CNTNAP3: variants seen among roughly 807,000 people sequenced by gnomAD.
CNTNAP3 encodes the protein contactin associated protein family member 3, also known as contactin-associated protein-like 3.
A neutral mutation model predicts 92.1 loss-of-function variants in CNTNAP3; 36 were observed. The observed-to-expected ratio is 0.39, with a 90% confidence interval of 0.30 to 0.52. The LOEUF (loss-of-function observed/expected upper bound fraction) is 0.52, where lower values mean the gene tolerates loss of function less well. CNTNAP3 is among the 20% of genes least tolerant of loss of function. The probability of loss-of-function intolerance (pLI) is 0.76; values close to 1 mark genes in which losing one functional copy is unlikely to be tolerated. For synonymous variants in CNTNAP3, 232 were observed against 422.3 expected, an observed-to-expected ratio of 0.55 and a Z score of 5.53; for missense variants, 534 against 1,069.6, an observed-to-expected ratio of 0.50 and a Z score of 6.98.
intron 15 of CNTNAP3, among the ~76,000 whole-genome samples, chr9:39,104,805 G>A (rs534490658): frequency 7.9e-4 from 121 of 152,204 alleles, no homozygotes; most frequent in Non-Finnish European, 1.4e-3. Flanking sequence ...CCACAGAAGG[G>A]CTGCTGTGTT....
intron 14 of CNTNAP3, 114 bp downstream of exon 14, chr9:39,117,989 G>A (rs1229221633): frequency 2.5e-6 from 4 of 1,574,552 alleles, no homozygotes; most frequent in Non-Finnish European, 3.4e-6. Context: ...ATTTCAGCTT[G>A]CTTGAACATA....
chr9:39,103,125 G>GTACA (rs1283385101), intron 16 of CNTNAP3, among the ~76,000 whole-genome samples: 1 of 152,206 alleles, frequency 6.6e-6, no homozygotes, highest in Non-Finnish European at 1.5e-5. Context: ...TAAGCTTTGG[G>GTACA]TACATAAAAA....
chr9:39,078,735 C>G lies in CNTNAP3; in HGVS notation c.3628G>C (p.Gly1210Arg). The G allele has an allele frequency of 1.3e-6, 2 of 1,501,490 alleles. No individual in the cohort carries two copies. The highest frequency in any genetic ancestry group is 1.8e-6 in the Non-Finnish European group (2 of 1,133,642). The allele number at this position is 1,501,490 out of a possible 1,614,324, so 93.0% of individuals were successfully genotyped here. A position where few individuals can be genotyped will look rare whatever the true frequency, so the allele number is the denominator to read the frequency against. ...GGAGCCAGTTCCCGCGCCGGGGAGC[C>G]GGACGCCGCCCCCGCTGCGCAGCGG... ...MARCAAGAAS[G>R]SPARELAPRL... The change falls in exon 22 of 24, where the codon GGC becomes CGC. Residue 1210 changes from glycine to arginine, a missense_variant. Gly to Arg is a moderately radical substitution (Grantham distance 125, BLOSUM62 -2). Coordinates refer to ENST00000297668, the MANE Select transcript of CNTNAP3 (RefSeq NM_033655.5).
intron 13 of CNTNAP3, among the ~76,000 whole-genome samples, chr9:39,126,732 TA>T (rs566801920): frequency 6.6e-6 from 1 of 151,786 alleles, no homozygotes; most frequent in Non-Finnish European, 1.5e-5. Flanking sequence ...TTAAAATTGC[TA>T]AAAAATATAA....
At position 39,084,293 on chromosome 9, in the gene CNTNAP3, C is replaced by T. The variant is rs187497173; in HGVS notation, c.3442+1443G>A. On this transcript the variant is annotated intron_variant, in intron 21 of 23. Transcript: ENST00000297668. ...CTGCAAGCTCCGCCTCCTGGGTTCA[C>T]GCCATTCTCCTGCCTCAGCCTCCCG... 5.2e-3 allele frequency among the ~76,000 whole-genome samples: 776 copies of T among 149,690 alleles called. 5 individuals carry two copies. Among genetic ancestry groups the T allele is most frequent in the South Asian group, 0.011 (54 of 4,720 alleles).
At position 39,102,822 on chromosome 9, in the gene CNTNAP3, A is replaced by G. The variant is rs1296414000; in HGVS notation, c.2537-107T>C. On this transcript the variant is annotated intron_variant, in intron 16 of 23. Transcript: ENST00000297668. Reference sequence around the variant, plus strand: ...ACGCTCAGGATGGAAGGAGATAATGACGGCGATGCAGAAAAACGGGACTGT... The same window carrying G: ...ACGCTCAGGATGGAAGGAGATAATGGCGGCGATGCAGAAAAACGGGACTGT... The G allele has an allele frequency of 5.3e-6, 7 of 1,315,818 alleles. No homozygotes were observed. In the Admixed American group the frequency reaches 1.4e-4, roughly 26 times the overall value. 81.5% of individuals were successfully genotyped at this position (1,315,818 alleles called of 1,614,324 possible). A position where few individuals can be genotyped will look rare whatever the true frequency, so the allele number is the denominator to read the frequency against.
intron 13 of CNTNAP3, among the ~76,000 whole-genome samples, chr9:39,132,311 TAGG>T (rs1023443301): frequency 6.6e-6 from 1 of 152,152 alleles, no homozygotes. Context: ...GTCTTTAACT[TAGG>T]AGAAGATGGT....
chr9:39,091,806 A>G (rs530985917), intron 18 of CNTNAP3, among the ~76,000 whole-genome samples: 58 of 151,956 alleles, frequency 3.8e-4, no homozygotes, highest in Admixed American at 1.1e-3. Context: ...ATATTTTTAA[A>G]TAGTTGATAT....
At chr9:39,105,209 T>A (rs184377430) in intron 15 of CNTNAP3, among the ~76,000 whole-genome samples, 2 of 152,230 alleles carry the variant, frequency 1.3e-5, no homozygotes, top group East Asian at 3.9e-4. Flanking sequence ...GGGCGGATCA[T>A]GAAGTCAGGA....
chr9:39,146,270 G>A (rs1178534297), intron 10 of CNTNAP3, among the ~76,000 whole-genome samples: 1 of 152,066 alleles, frequency 6.6e-6, no homozygotes, highest in Non-Finnish European at 1.5e-5. Context: ...GGTGACGGAG[G>A]CCTCCCTGCT....
chr9:39,135,159 A>G (rs576322349), intron 12 of CNTNAP3, among the ~76,000 whole-genome samples: 20 of 152,222 alleles, frequency 1.3e-4, no homozygotes, highest in Non-Finnish European at 2.6e-4. Context: ...ACACCCAAAG[A>G]AGGACATAGA....
intron 21 of CNTNAP3, among the ~76,000 whole-genome samples, chr9:39,081,821 G>C (rs886674047): frequency 1.1e-4 from 17 of 151,378 alleles, no homozygotes; most frequent in African/African-American, 3.9e-4. Context: ...GCTCATGCCT[G>C]TAATCCCAGC....
chr9:39,083,345 T>C (rs548807365), intron 21 of CNTNAP3, among the ~76,000 whole-genome samples: 1 of 152,222 alleles, frequency 6.6e-6, no homozygotes, highest in South Asian at 2.1e-4. Flanking sequence ...GTTTTTTTGA[T>C]ATATATATGT....
chr9:39,102,959 G>C (rs1049285179), intron 16 of CNTNAP3, among the ~76,000 whole-genome samples: 2 of 151,990 alleles, frequency 1.3e-5, no homozygotes, highest in Admixed American at 1.3e-4. Context: ...AAATAGTAGA[G>C]ATATGTACCC....
At chr9:39,108,301 A>G (rs946756987) in intron 15 of CNTNAP3, among the ~76,000 whole-genome samples, 10 of 151,712 alleles carry the variant, frequency 6.6e-5, no homozygotes, top group Admixed American at 2.6e-4. Flanking sequence ...GTGAGTACGC[A>G]TCGATAGTGA....
chr9:39,111,829 A>C (rs2117922945), intron 14 of CNTNAP3, among the ~76,000 whole-genome samples: 1 of 152,242 alleles, frequency 6.6e-6, no homozygotes, highest in Admixed American at 6.5e-5. Context: ...CAGTTTAATT[A>C]GGGCAGATAC....
chr9:39,120,152 C>T (rs1820978352), intron 13 of CNTNAP3, among the ~76,000 whole-genome samples: 1 of 152,136 alleles, frequency 6.6e-6, no homozygotes. Flanking sequence ...CAAGATCCAT[C>T]ATAATTGAAC....
chr9:39,149,321 C>T (rs1042993020), intron 10 of CNTNAP3, among the ~76,000 whole-genome samples: 12 of 151,810 alleles, frequency 7.9e-5, no homozygotes, highest in African/African-American at 2.9e-4. Flanking sequence ...TTAAAAAATG[C>T]TATTTATTCC....
intron 7 of CNTNAP3, among the ~76,000 whole-genome samples, chr9:39,175,269 T>C (rs1280998615): frequency 2.0e-5 from 1 of 50,306 alleles, no homozygotes; most frequent in Non-Finnish European, 3.2e-5. Flanking sequence ...GAGGCCGAGG[T>C]GGGCAGATCA....
Sources: allele counts gnomAD v4.1 joint callset (sites outside exome capture counted in the v4.1 genomes callset), GRCh38; gene constraint gnomAD v4.1.1; transcripts MANE v1.5; gene names NCBI Gene and HGNC (gene_info 2026-07-23, HGNC 2026-07-21).